SGIP1: variants seen among roughly 807,000 people sequenced by gnomAD.
SGIP1 encodes the protein SH3GL interacting endocytic adaptor 1, also known as SH3-containing GRB2-like protein 3-interacting protein 1.
Under a neutral mutation model 107.5 loss-of-function variants are expected in SGIP1, and 38 were observed. The observed-to-expected ratio is 0.35, with a 90% CI of 0.27 to 0.46. SGIP1 has a LOEUF of 0.46. Ranked by LOEUF, SGIP1 falls within the 20% of genes least tolerant of loss-of-function variation. SGIP1 has a pLI of 1.00. For missense variants in SGIP1, 929 were observed against 1,019.5 expected (o/e 0.91, Z 1.21); for synonymous variants, 365 against 366.1 (o/e 1.00, Z 0.03).
In SGIP1 at chr1:66,589,210, A is replaced by ATGTGTG. The variant is rs1351093715; in HGVS notation, c.11-36636_11-36635insGTGTGT. 5.8e-5 allele frequency among the ~76,000 whole-genome samples: 4 copies of ATGTGTG among 69,026 alleles called. 1 individual carries two copies. The highest frequency in any genetic ancestry group is 2.2e-4 in the African/African-American group (4 of 18,496). The allele number at this position is 69,026 out of a possible 152,430, so 45.3% of individuals were successfully genotyped here. A position where few individuals can be genotyped will look rare whatever the true frequency, so the allele number is the denominator to read the frequency against. On this transcript the variant is annotated intron_variant, in intron 1 of 24. Transcript: ENST00000371037. ...TATATATATATATATATATATATAT[A>ATGTGTG]TATATATGTAAGGCTTGGGGTAAAG...
At chr1:66,598,722 C>T (rs2065187712) in intron 1 of SGIP1, among the ~76,000 whole-genome samples, 1 of 152,148 alleles carries the variant, frequency 6.6e-6, no homozygotes. Context: ...CATAATAACT[C>T]AGTATCACCA....
intron 2 of SGIP1, among the ~76,000 whole-genome samples, chr1:66,631,028 G>A (rs1428474410): frequency 8.6e-6 from 1 of 116,430 alleles, no homozygotes; most frequent in African/African-American, 3.5e-5. Flanking sequence ...GAAAGGAAAG[G>A]AAGGAAGGAA....
rs987237553 is a variant in SGIP1 at position 66,748,402 on chromosome 1, G to A, written c.*5307G>A. 1.3e-5 allele frequency: 2 copies of A among 151,894 alleles called. No individual in the cohort carries two copies. The highest frequency in any genetic ancestry group is 4.8e-5 in the African/African-American group (2 of 41,408). 9.4% of individuals were successfully genotyped at this position (151,894 alleles called of 1,614,324 possible). On this transcript the variant is annotated 3_prime_UTR_variant, in exon 25 of 25. Transcript: ENST00000371037. ...TAAGATCTAAATATATTTCATGAAG[G>A]AATGTCAAATGTAAAGTCTGTTGAG...
At chr1:66,634,246 G>T in intron 3 of SGIP1, 4 of 1,012,982 alleles carry the variant, frequency 3.9e-6, no homozygotes, top group Admixed American at 2.1e-5. Context: ...CCTTTGCAAA[G>T]CTCTGTTAGC....
intron 1 of SGIP1, among the ~76,000 whole-genome samples, chr1:66,549,137 G>GCCTGCCTTCCTGCCTTCCTTCCTT (rs1051893057): frequency 1.1e-4 from 16 of 144,528 alleles, no homozygotes; most frequent in African/African-American, 3.8e-4. Flanking sequence ...CTGGCTACCT[G>GCCTGCCTTCCTGCCTTCCTTCCTT]CCTTCCTTCC....
At chr1:66,649,620 T>A (rs950272068) in intron 7 of SGIP1, among the ~76,000 whole-genome samples, 2 of 152,162 alleles carry the variant, frequency 1.3e-5, no homozygotes, top group Admixed American at 1.3e-4. Context: ...CAAACCTCCA[T>A]TATATCATAC....
chr1:66,684,296 A>G, intron 15 of SGIP1: 2 of 1,471,404 alleles, frequency 1.4e-6, no homozygotes, highest in Non-Finnish European at 9.2e-7. Flanking sequence ...ACCCATCTAC[A>G]CTGCACAGTG....
chr1:66,649,120 C>T (rs1034839967), intron 7 of SGIP1, among the ~76,000 whole-genome samples: 5 of 152,132 alleles, frequency 3.3e-5, no homozygotes, highest in African/African-American at 1.2e-4. Context: ...GTTTTCATGT[C>T]CTGGGTTAAA....
chr1:66,582,220 T>C (rs762231183), intron 1 of SGIP1, among the ~76,000 whole-genome samples: 2 of 152,108 alleles, frequency 1.3e-5, no homozygotes, highest in African/African-American at 2.4e-5. Flanking sequence ...TGAATGAGAC[T>C]AAGTGGACTA....
chr1:66,693,190 C>T (rs2090232404), intron 17 of SGIP1, among the ~76,000 whole-genome samples: 2 of 151,736 alleles, frequency 1.3e-5, no homozygotes, highest in Non-Finnish European at 2.9e-5. Context: ...GGGAGGATTA[C>T]ATGACCCCAG....
At chr1:66,590,991 T>A (rs1393290325) in intron 1 of SGIP1, among the ~76,000 whole-genome samples, 1 of 152,232 alleles carries the variant, frequency 6.6e-6, no homozygotes, top group South Asian at 2.1e-4. Flanking sequence ...TATCCACTCT[T>A]ACCAACATTT....
intron 24 of SGIP1, among the ~76,000 whole-genome samples, chr1:66,742,813 A>G (rs937152714): frequency 6.6e-6 from 1 of 152,200 alleles, no homozygotes; most frequent in Non-Finnish European, 1.5e-5. Flanking sequence ...ACATCCAGAA[A>G]TAAATCTCCC....
chr1:66,534,877 G>T (rs1458408521), intron 1 of SGIP1, among the ~76,000 whole-genome samples: 2 of 152,132 alleles, frequency 1.3e-5, no homozygotes, highest in Non-Finnish European at 2.9e-5. Context: ...ATTGGGATGG[G>T]GAGGGCAGCA....
At position 66,589,198 on chromosome 1, in the gene SGIP1, A is replaced by ATGTG. The variant is rs1557990031; in HGVS notation, c.11-36648_11-36647insGTGT. ...TATATATATATATATATATATATAT[A>ATGTG]TATATATATATATATATATGTAAGG... On this transcript the variant is annotated intron_variant, in intron 1 of 24. Transcript: ENST00000371037. 8.3e-5 allele frequency among the ~76,000 whole-genome samples: 5 copies of ATGTG among 60,110 alleles called. No homozygotes were observed. In the East Asian group the frequency reaches 3.3e-3, roughly 40 times the overall value. 39.4% of individuals were successfully genotyped at this position (60,110 alleles called of 152,430 possible).
chr1:66,534,330 T>C lies in SGIP1; in HGVS notation c.-29T>C. On this transcript the variant is annotated 5_prime_UTR_variant, in exon 1 of 25. Transcript: ENST00000371037. ...TCCTCCTGTGTTTTTTCAGACTCCT[T>C]GGAAATTAAGGAATGCAATTCTGCC... 1.2e-6 allele frequency: 2 copies of C among 1,613,830 alleles called. No homozygotes were observed. Among genetic ancestry groups the C allele is most frequent in the Non-Finnish European group, 1.7e-6 (2 of 1,179,810 alleles).
chr1:66,644,002 A>G, intron 7 of SGIP1: 1 of 188,308 alleles, frequency 5.3e-6, no homozygotes, highest in Non-Finnish European at 1.1e-5. Flanking sequence ...AAATAAAAAG[A>G]TTATCCAGAA....
chr1:66,544,847 A>T (rs1571085115), intron 1 of SGIP1, among the ~76,000 whole-genome samples: 1 of 152,184 alleles, frequency 6.6e-6, no homozygotes, highest in Non-Finnish European at 1.5e-5. Flanking sequence ...TCTAAGCCCG[A>T]TTGTAGGTAG....
chr1:66,549,157 TC>T (rs2056989373), intron 1 of SGIP1, among the ~76,000 whole-genome samples: 1 of 148,458 alleles, frequency 6.7e-6, no homozygotes, highest in South Asian at 2.1e-4. Context: ...CTTCCTTCCT[TC>T]CTTCCTTCCT....
At chr1:66,657,807 T>A (rs2080089518) in intron 7 of SGIP1, among the ~76,000 whole-genome samples, 2 of 152,264 alleles carry the variant, frequency 1.3e-5, no homozygotes, top group Admixed American at 1.3e-4. Flanking sequence ...ACTCTATTTC[T>A]ATTTACAAGT....
Sources: gnomAD v4.1 joint callset for allele counts (sites outside exome capture counted in the v4.1 genomes callset) on GRCh38, gnomAD v4.1.1 for gene constraint, MANE v1.5 for transcripts, NCBI Gene and HGNC (gene_info 2026-07-23, HGNC 2026-07-21) for gene names.